The following ZNF185 variants were observed in gnomAD, a reference collection of about 807,000 sequenced individuals.
ZNF185 encodes zinc finger protein 185 with LIM domain.
A neutral mutation model predicts 58.6 loss-of-function variants in ZNF185; 56 were observed. That is an observed-to-expected ratio of 0.95 (90% CI 0.77 to 1.19). ZNF185 has a LOEUF of 1.19. Among genes scored for constraint, ZNF185 ranks in the 50% most tolerant of loss-of-function variants. The probability of loss-of-function intolerance (pLI) is 0.00; values close to 1 mark genes in which losing one functional copy is unlikely to be tolerated. For missense variants in ZNF185, 627 were observed against 573.5 expected (o/e 1.09, Z -0.95); for synonymous variants, 230 against 215.9 (o/e 1.07, Z -0.57).
intron 19 of ZNF185, 135 bp downstream of exon 21, chrX:152,965,662 T>A (rs782574684): frequency 7.8e-6 from 4 of 512,166 alleles, no homozygotes; most frequent in Non-Finnish European, 1.3e-5. Context: ...GGATGAGTGA[T>A]GTAGTTGCCC....
chrX:152,925,635 C>T (rs782632608), intron 11 of ZNF185, among the ~76,000 whole-genome samples: 2 of 111,462 alleles, frequency 1.8e-5, no homozygotes, highest in Admixed American at 9.5e-5. Context: ...CCTGGAGGGC[C>T]GTCTTCTCTG....
intron 16 of ZNF185, among the ~76,000 whole-genome samples, chrX:152,951,184 G>A (rs1409344235): frequency 9.3e-6 from 1 of 107,632 alleles, no homozygotes. Context: ...TCGAACTCCT[G>A]ACCTCAGGTG....
chrX:152,950,099 T>A (rs1334049361), intron 16 of ZNF185, among the ~76,000 whole-genome samples: 15 of 112,390 alleles, frequency 1.3e-4, no homozygotes, highest in African/African-American at 4.5e-4. Flanking sequence ...CTTGGATGAC[T>A]TTACTGGGGA....
chrX:152,936,457 C>G (rs1480052016), intron 14 of ZNF185: 1 of 1,165,254 alleles, frequency 8.6e-7, no homozygotes, highest in Non-Finnish European at 1.1e-6. Context: ...TCCTGGAAGA[C>G]CAGGATGGGC....
At chrX:152,901,789 C>A in the ZNF185 span, among the ~76,000 whole-genome samples, 4 of 111,401 alleles carry the variant, frequency 3.6e-5, no homozygotes, top group African/African-American at 1.3e-4. Flanking sequence ...TGAGAACTGA[C>A]AGCAAAGTGG....
chrX:152,905,718 G>A, the ZNF185 span, among the ~76,000 whole-genome samples: 4 of 108,798 alleles, frequency 3.7e-5, no homozygotes, highest in African/African-American at 1.4e-4. Flanking sequence ...AGGCTTGGGG[G>A]GGGGGCGGGG....
intron 17 of ZNF185, among the ~76,000 whole-genome samples, chrX:152,960,948 C>T (rs2049398847): frequency 8.9e-6 from 1 of 112,417 alleles, no homozygotes; most frequent in Non-Finnish European, 1.9e-5. Context: ...CAGCTTTGGT[C>T]ACTGGGAACC....
intron 8 of ZNF185, 113 bp downstream of exon 9, chrX:152,920,524 C>T (rs1013500667): frequency 7.2e-5 from 67 of 932,763 alleles, no homozygotes; most frequent in Middle Eastern, 2.9e-4. Context: ...AAGGGCCTTC[C>T]TAGCTGAGCC....
intron 15 of ZNF185, chrX:152,941,786 G>A: frequency 1.0e-5 from 12 of 1,164,237 alleles, no homozygotes; most frequent in Non-Finnish European, 1.3e-5. Context: ...GAGGTCGCCC[G>A]AGGATCACGA....
chrX:152,937,246 G>C (rs1556882722), intron 14 of ZNF185, among the ~76,000 whole-genome samples: 1 of 111,920 alleles, frequency 8.9e-6, no homozygotes, highest in Non-Finnish European at 1.9e-5. Context: ...TCGAGAGATA[G>C]CAGGTAAATG....
intron 13 of ZNF185, 35 bp from the exon 15 acceptor site, chrX:152,932,838 A>T: frequency 9.2e-7 from 1 of 1,082,511 alleles, no homozygotes; most frequent in Non-Finnish European, 1.3e-6. Context: ...TCAAAACGCA[A>T]CTAGAGTCAG....
At chrX:152,942,263 C>T (rs782543799) in intron 15 of ZNF185, among the ~76,000 whole-genome samples, 2 of 112,005 alleles carry the variant, frequency 1.8e-5, no homozygotes, top group East Asian at 5.6e-4. Context: ...CCATCTTGGG[C>T]CGCTCCATCA....
chrX:152,938,730 AG>A (rs1328721169), intron 15 of ZNF185, among the ~76,000 whole-genome samples: 1 of 110,030 alleles, frequency 9.1e-6, no homozygotes, highest in African/African-American at 3.3e-5. Context: ...TTCTCCTCAC[AG>A]TCTCTCAAAG....
At chrX:152,965,809 A>G (rs2071252) in intron 19 of ZNF185, among the ~76,000 whole-genome samples, 34,349 of 107,652 alleles carry the variant, frequency 0.32, 4,017 homozygotes, top group South Asian at 0.41. Context: ...AATGCTGAGA[A>G]CACCCCTCTT....
At chrX:152,967,959 G>A (rs781853573) in intron 20 of ZNF185, among the ~76,000 whole-genome samples, 1 of 112,177 alleles carries the variant, frequency 8.9e-6, no homozygotes, top group Admixed American at 9.4e-5. Context: ...CCAGGTTAGG[G>A]ATGTTTCTAC....
At chrX:152,912,106 G>T (rs1289936789), upstream of ZNF185, among the ~76,000 whole-genome samples, 4 of 102,701 alleles carry the variant, frequency 3.9e-5, no homozygotes, top group African/African-American at 1.4e-4. Context: ...CGTGTGGAAA[G>T]ACTCTACTTT....
intron 15 of ZNF185, chrX:152,941,914 G>A (rs1275485715): frequency 1.9e-6 from 2 of 1,035,115 alleles, no homozygotes; most frequent in Non-Finnish European, 2.5e-6. Context: ...GGTCCCGCGA[G>A]GGGCCGAACG....
At chrX:152,956,820 A>G (rs1276571719) in intron 16 of ZNF185, among the ~76,000 whole-genome samples, 6 of 112,763 alleles carry the variant, frequency 5.3e-5, no homozygotes, top group African/African-American at 1.9e-4. Flanking sequence ...TCACTGTTGC[A>G]TTAGTGCATT....
intron 3 of ZNF185, among the ~76,000 whole-genome samples, chrX:152,916,801 G>A (rs1487267655): frequency 8.9e-6 from 1 of 112,913 alleles, no homozygotes; most frequent in Non-Finnish European, 1.9e-5. Flanking sequence ...GCTGTCAGCT[G>A]AGAGCAGTGC....
Sources: allele counts gnomAD v4.1 joint callset (sites outside exome capture counted in the v4.1 genomes callset), GRCh38; gene constraint gnomAD v4.1.1; transcripts MANE v1.5; gene names NCBI Gene and HGNC (gene_info 2026-07-23, HGNC 2026-07-21).